Variants in AGBL4 observed in about 807,000 individuals in gnomAD.
The protein encoded by AGBL4 is AGBL carboxypeptidase 4.
Under a neutral mutation model 66.4 loss-of-function variants are expected in AGBL4, and 58 were observed. That is an observed-to-expected ratio of 0.87 (90% CI 0.71 to 1.09). AGBL4 has a LOEUF of 1.09. Ranked by LOEUF, AGBL4 falls within the 50% of genes least tolerant of loss-of-function variation. The probability of loss-of-function intolerance (pLI) is 0.00; values close to 1 mark genes in which losing one functional copy is unlikely to be tolerated. For synonymous variants in AGBL4, 234 were observed against 222.9 expected (o/e 1.05, Z -0.44); for missense variants, 579 against 631.0 (o/e 0.92, Z 0.88).
At chr1:48,960,514 A>G (rs1038130554) in intron 5 of AGBL4, among the ~76,000 whole-genome samples, 1 of 152,194 alleles carries the variant, frequency 6.6e-6, no homozygotes, top group African/African-American at 2.4e-5. Flanking sequence ...AGGATGTAAT[A>G]CTGACTAAGA....
In AGBL4 at chr1:49,133,895, C is replaced by A. The variant is rs371915754; in HGVS notation, c.378-88095G>T. ...ATGTATATGATGTGCATCTGTATAC[C>A]AATACATATGTATATATGTGTATAT... On this transcript the variant is annotated intron_variant, in intron 4 of 13. Coordinates refer to ENST00000371839, the MANE Select transcript of AGBL4 (RefSeq NM_032785.4). Among the ~76,000 whole-genome samples the A allele has an allele frequency of 3.4e-4, 51 of 151,588 alleles. 1 individual carries two copies. In the South Asian group the frequency reaches 9.6e-3, roughly 29 times the overall value.
intron 1 of AGBL4, among the ~76,000 whole-genome samples, chr1:49,876,097 T>C (rs1313060976): frequency 1.3e-5 from 2 of 149,768 alleles, no homozygotes; most frequent in Admixed American, 6.7e-5. Context: ...TTTTCTCCCA[T>C]GTTGTAGGTT....
At chr1:49,687,420 T>G (rs1646806504) in intron 3 of AGBL4, among the ~76,000 whole-genome samples, 1 of 152,148 alleles carries the variant, frequency 6.6e-6, no homozygotes, top group Non-Finnish European at 1.5e-5. Flanking sequence ...CTAGGTTTAT[T>G]ATCAGTCCCC....
At chr1:49,298,253 C>G (rs1403250725) in intron 3 of AGBL4, among the ~76,000 whole-genome samples, 3 of 152,128 alleles carry the variant, frequency 2.0e-5, no homozygotes, top group Non-Finnish European at 4.4e-5. Flanking sequence ...GGAACAGATG[C>G]TGGCCCAGGA....
intron 2 of AGBL4, among the ~76,000 whole-genome samples, chr1:49,758,054 C>T (rs1488151340): frequency 1.3e-5 from 2 of 152,152 alleles, no homozygotes; most frequent in East Asian, 3.9e-4. Context: ...GGACATGGTG[C>T]CCTGCATCCC....
intron 3 of AGBL4, among the ~76,000 whole-genome samples, chr1:49,683,809 G>A (rs1418049393): frequency 6.6e-6 from 1 of 152,110 alleles, no homozygotes; most frequent in Admixed American, 6.6e-5. Flanking sequence ...ACAGCAAATG[G>A]TACAATAAGT....
intron 6 of AGBL4, among the ~76,000 whole-genome samples, chr1:48,788,921 T>C (rs1237275834): frequency 1.3e-5 from 2 of 151,948 alleles, no homozygotes; most frequent in African/African-American, 4.8e-5. Context: ...TCAAATGGAG[T>C]AAGTGAAATT....
intron 3 of AGBL4, among the ~76,000 whole-genome samples, chr1:49,639,346 G>C (rs1645736930): frequency 6.6e-6 from 1 of 152,152 alleles, no homozygotes; most frequent in Non-Finnish European, 1.5e-5. Flanking sequence ...TTATGTGTGT[G>C]GCACTATTAT....
intron 6 of AGBL4, among the ~76,000 whole-genome samples, chr1:48,795,167 C>T (rs1385940686): frequency 6.6e-6 from 1 of 152,092 alleles, no homozygotes; most frequent in East Asian, 1.9e-4. Context: ...CAATGCATTC[C>T]CTAAACCAGA....
chr1:48,731,077 T>G (rs1648051231), intron 6 of AGBL4, among the ~76,000 whole-genome samples: 1 of 152,310 alleles, frequency 6.6e-6, no homozygotes, highest in African/African-American at 2.4e-5. Context: ...ATAAAGGCTT[T>G]TCTATTTTTT....
intron 1 of AGBL4, chr1:50,017,452 T>C (rs1336525436): frequency 6.6e-6 from 1 of 152,174 alleles, no homozygotes; most frequent in Non-Finnish European, 1.5e-5. Flanking sequence ...AGTGGGCAGT[T>C]GAGGAGGACT....
chr1:48,672,647 C>T (rs1646295042), intron 6 of AGBL4, among the ~76,000 whole-genome samples: 1 of 152,184 alleles, frequency 6.6e-6, no homozygotes, highest in South Asian at 2.1e-4. Flanking sequence ...TCCCTATGCC[C>T]GCTCTCAACC....
At chr1:49,492,948 A>G (rs1219385142) in intron 3 of AGBL4, among the ~76,000 whole-genome samples, 1 of 152,016 alleles carries the variant, frequency 6.6e-6, no homozygotes, top group Non-Finnish European at 1.5e-5. Flanking sequence ...ACTCACAATC[A>G]TGGTGGAAGG....
chr1:49,562,953 C>A (rs36163788), intron 3 of AGBL4, among the ~76,000 whole-genome samples: 13,310 of 152,016 alleles, frequency 0.088, 874 homozygotes, highest in East Asian at 0.3. Flanking sequence ...ATGGAATGTT[C>A]TTCCATTTGT....
chr1:49,054,562 T>C (rs973845378), intron 4 of AGBL4, among the ~76,000 whole-genome samples: 7 of 152,014 alleles, frequency 4.6e-5, no homozygotes, highest in Non-Finnish European at 1.0e-4. Flanking sequence ...TTGAATTGGT[T>C]TGAGGTGTCT....
rs148507921 is a variant in AGBL4 at position 49,794,035 on chromosome 1, T to C, written c.157+57361A>G. 3.7e-4 allele frequency among the ~76,000 whole-genome samples: 57 copies of C among 152,026 alleles called. No individual in the cohort carries two copies. The East Asian group carries it at 0.01, about 27-fold the overall frequency. ...AGCCACATGATGATCACTGATGACT[T>C]TGAAAAGAACATTTTCAGGAAAGTA... is the stretch of plus-strand genomic sequence containing the variant. On this transcript the variant is annotated intron_variant, in intron 2 of 13. Transcript: ENST00000371839.
intron 5 of AGBL4, among the ~76,000 whole-genome samples, chr1:49,043,426 A>G (rs1438038795): frequency 6.6e-6 from 1 of 152,116 alleles, no homozygotes; most frequent in Non-Finnish European, 1.5e-5. Context: ...AAGGTCACCA[A>G]TTCTTTCTGA....
At chr1:49,740,888 C>T (rs984140733) in intron 2 of AGBL4, among the ~76,000 whole-genome samples, 26 of 152,146 alleles carry the variant, frequency 1.7e-4, no homozygotes, top group African/African-American at 6.0e-4. Context: ...ATCTCTGGGA[C>T]ACATTCAAAG....
chr1:49,842,451 C>A, intron 2 of AGBL4: 1 of 895,264 alleles, frequency 1.1e-6, no homozygotes, highest in Non-Finnish European at 1.4e-6. Context: ...GTTTCTCTGT[C>A]TGCATGTGCT....
Sources: allele counts gnomAD v4.1 joint callset (sites outside exome capture counted in the v4.1 genomes callset), GRCh38; gene constraint gnomAD v4.1.1; transcripts MANE v1.5; gene names NCBI Gene and HGNC (gene_info 2026-07-23, HGNC 2026-07-21).